Variants in STK24 observed in about 807,000 individuals in gnomAD.
STK24 encodes serine/threonine-protein kinase 24.
In STK24, 21 loss-of-function variants were observed where a neutral mutation model predicts 55.6. That is an observed-to-expected ratio of 0.38 (90% CI 0.27 to 0.54). STK24 has a LOEUF of 0.54. Among genes scored for constraint, STK24 ranks in the 20% least tolerant of loss-of-function variants. The pLI is 0.79. For synonymous variants in STK24, 200 were observed against 215.2 expected, an observed-to-expected ratio of 0.93 and a Z score of 0.62; for missense variants, 383 against 538.4, an observed-to-expected ratio of 0.71 and a Z score of 2.86.
At chr13:98,453,401 A>C in intron 10 of STK24, 192 bp from the exon 11 acceptor site, 1 of 605,458 alleles carries the variant, frequency 1.7e-6, no homozygotes, top group Admixed American at 3.4e-5. Context: ...TGATTCTTAC[A>C]CAAAAACTCC....
chr13:98,573,060 G>A (rs755447915), intron 1 of STK24, among the ~76,000 whole-genome samples: 2 of 152,082 alleles, frequency 1.3e-5, no homozygotes, highest in African/African-American at 4.8e-5. Context: ...TTCTGATTTC[G>A]GATGTTCAAC....
At chr13:98,559,545 G>A (rs1897363381) in intron 1 of STK24, among the ~76,000 whole-genome samples, 1 of 152,120 alleles carries the variant, frequency 6.6e-6, no homozygotes, top group Admixed American at 6.6e-5. Context: ...ATAGCAGTAT[G>A]AAAATGGACT....
chr13:98,547,826 C>T (rs1393633295), intron 1 of STK24, among the ~76,000 whole-genome samples: 1 of 152,246 alleles, frequency 6.6e-6, no homozygotes, highest in Non-Finnish European at 1.5e-5. Context: ...GATGTGCAAG[C>T]ACCTTTCCTA....
intron 1 of STK24, among the ~76,000 whole-genome samples, chr13:98,524,033 G>A (rs1396192755): frequency 6.6e-6 from 1 of 152,042 alleles, no homozygotes; most frequent in Non-Finnish European, 1.5e-5. Context: ...TCAAGAGCTG[G>A]CAGCCCGTCC....
At chr13:98,463,657 C>T (rs1460067187) in intron 7 of STK24, 34 bp downstream of exon 7, 1 of 1,595,690 alleles carries the variant, frequency 6.3e-7, no homozygotes, top group African/African-American at 1.4e-5. Flanking sequence ...ATCCCTCCCA[C>T]ACACATGCTT....
intron 2 of STK24, among the ~76,000 whole-genome samples, chr13:98,514,956 G>A (rs966301487): frequency 1.5e-4 from 23 of 151,886 alleles, no homozygotes; most frequent in African/African-American, 2.7e-4. Flanking sequence ...GTATATCTGC[G>A]TTTCCTCAAG....
intron 5 of STK24, among the ~76,000 whole-genome samples, chr13:98,469,445 A>T (rs1406027587): frequency 2.6e-5 from 4 of 151,846 alleles, no homozygotes; most frequent in African/African-American, 9.7e-5. Flanking sequence ...GCTACTTGGG[A>T]GGCTGAGGCA....
chr13:98,550,110 CT>C (rs1357009204), intron 1 of STK24, among the ~76,000 whole-genome samples: 2 of 152,226 alleles, frequency 1.3e-5, no homozygotes, highest in Non-Finnish European at 2.9e-5. Context: ...GCAGGCTTCC[CT>C]TTGATGACTC....
At chr13:98,455,297 A>G (rs1893400981) in intron 10 of STK24, 1 of 152,146 alleles carries the variant, frequency 6.6e-6, no homozygotes, top group South Asian at 2.1e-4. Flanking sequence ...CCCAGCCTGG[A>G]GTGCAAACGT....
At chr13:98,498,679 C>G (rs1240139604) in intron 2 of STK24, among the ~76,000 whole-genome samples, 1 of 152,170 alleles carries the variant, frequency 6.6e-6, no homozygotes, top group Non-Finnish European at 1.5e-5. Flanking sequence ...GTTAGATGGA[C>G]ATGAGAGAAT....
At chr13:98,496,555 TG>T (rs1186943026) in intron 2 of STK24, among the ~76,000 whole-genome samples, 1 of 152,164 alleles carries the variant, frequency 6.6e-6, no homozygotes, top group Admixed American at 6.5e-5. Context: ...AGGGCTCCTC[TG>T]GGTGTGTCCC....
intron 1 of STK24, among the ~76,000 whole-genome samples, chr13:98,534,314 G>C (rs780592399): frequency 2.0e-5 from 3 of 152,168 alleles, no homozygotes; most frequent in African/African-American, 2.4e-5. Context: ...TGATGACAGT[G>C]AAAGAGATCT....
intron 2 of STK24, among the ~76,000 whole-genome samples, chr13:98,483,128 G>C (rs1894664543): frequency 6.6e-6 from 1 of 152,226 alleles, no homozygotes; most frequent in Admixed American, 6.5e-5. Context: ...CGCCCTCCTT[G>C]GGGAGCCAGG....
chr13:98,556,778 T>C lies in STK24; in HGVS notation c.42+19967A>G, dbSNP rs139091865. Among the ~76,000 whole-genome samples, 79 of 152,288 alleles carry C rather than the reference T, an allele frequency of 5.2e-4. 1 individual carries two copies. Among genetic ancestry groups the C allele is most frequent in the African/African-American group, 1.7e-3 (71 of 41,558 alleles). On this transcript the variant is annotated intron_variant, in intron 1 of 10. Transcript: ENST00000539966. ...CTGTTTAAACAGCCTTAAATTCTGC[T>C]ATGCAACTCACTGGAAAACTACTTT...
chr13:98,504,978 G>C (rs74426694), intron 2 of STK24: 2,826 of 152,344 alleles, frequency 0.019, 54 homozygotes, highest in South Asian at 0.083. Context: ...CCATCCCTTT[G>C]AGGAGAGGGA....
At chr13:98,512,322 G>A (rs1312981689) in intron 2 of STK24, among the ~76,000 whole-genome samples, 1 of 152,106 alleles carries the variant, frequency 6.6e-6, no homozygotes, top group Non-Finnish European at 1.5e-5. Flanking sequence ...GATGATGATG[G>A]TGCCATGAAC....
intron 4 of STK24, 59 bp downstream of exon 4, chr13:98,475,191 A>G: frequency 6.6e-7 from 1 of 1,505,488 alleles, no homozygotes; most frequent in Non-Finnish European, 9.1e-7. Context: ...AGAAGTCTTC[A>G]GGGCAACCCC....
chr13:98,446,295 C>T lies in STK24; in HGVS notation c.*6878G>A, dbSNP rs1434997435. ...CCGCCCTCCTCTGGAATGACTCAGG[C>T]CTCTTGGGCTCCAGGTGTCACGGGG... On this transcript the variant is annotated 3_prime_UTR_variant, in exon 11 of 11. Coordinates refer to ENST00000539966, the MANE Select transcript of STK24 (RefSeq NM_001032296.4). 22 of 806,192 alleles carry T rather than the reference C, an allele frequency of 2.7e-5. No homozygotes were observed. Among genetic ancestry groups the T allele is most frequent in the Admixed American group, 6.9e-5 (3 of 43,596 alleles). 49.9% of individuals were successfully genotyped at this position (806,192 alleles called of 1,614,324 possible).
chr13:98,483,060 T>C (rs17470961), intron 2 of STK24, among the ~76,000 whole-genome samples: 35,604 of 152,258 alleles, frequency 0.23, 4,501 homozygotes, highest in Non-Finnish European at 0.29. Context: ...AGAGTTCTCT[T>C]TTTAAAACCA....
Sources: gnomAD v4.1 joint callset for allele counts (sites outside exome capture counted in the v4.1 genomes callset) on GRCh38, gnomAD v4.1.1 for gene constraint, MANE v1.5 for transcripts, NCBI Gene and HGNC (gene_info 2026-07-23, HGNC 2026-07-21) for gene names.